The following UBA3 variants were observed in gnomAD, a reference collection of about 807,000 sequenced individuals.
UBA3 encodes the protein ubiquitin like modifier activating enzyme 3.
A neutral mutation model predicts 73.5 loss-of-function variants in UBA3; 26 were observed. The ratio of observed to expected loss-of-function variants is 0.35; its 90% CI spans 0.26 to 0.49. UBA3 has a LOEUF of 0.49. UBA3 is among the 20% of genes least tolerant of loss of function. The pLI is 0.98. For missense variants in UBA3, 495 were observed against 555.6 expected, an observed-to-expected ratio of 0.89 and a Z score of 1.10; for synonymous variants, 217 against 191.2, an observed-to-expected ratio of 1.13 and a Z score of -1.11.
At chr3:69,057,366 T>C (rs1343374000) in intron 11 of UBA3, 57 bp from the exon 12 acceptor site, 2 of 1,475,664 alleles carry the variant, frequency 1.4e-6, no homozygotes, top group Non-Finnish European at 1.9e-6. Flanking sequence ...AGAGTTCTCT[T>C]AAATTAGAAG....
rs2092005361 is a variant in UBA3 at position 69,059,586 on chromosome 3, A to G, written c.910+2228T>C. 2.0e-5 allele frequency among the ~76,000 whole-genome samples: 3 copies of G among 152,210 alleles called. No homozygotes were observed. The South Asian group carries it at 6.2e-4, about 31-fold the overall frequency. The stretch of plus-strand genomic sequence containing the variant: ...ATCCCCGGCGTAGGAACTCGGGAGT[A>G]TTAAAGCTCTAAGGTACAGAAGAAC... On this transcript the variant is annotated intron_variant, in intron 11 of 17. Coordinates refer to ENST00000361055, the MANE Select transcript of UBA3 (RefSeq NM_003968.4).
Position 69,061,925 on chromosome 3 carries a change from C to G in UBA3, c.799G>C (p.Gly267Arg). The G allele has an allele frequency of 1.3e-6, 2 of 1,580,358 alleles. No individual in the cohort carries two copies. The highest frequency in any genetic ancestry group is 1.7e-6 in the Non-Finnish European group (2 of 1,166,144). The change falls in exon 11 of 18, where the codon GGG becomes CGG. Residue 267 changes from glycine (G) to arginine (R), a missense_variant and splice_region_variant. Transcript: ENST00000361055. ...GGATCATCTCCATCTAATGGAACCC[C>G]TTCTGTTTAAAAAAAAAAAGGGAGA... is the stretch of plus-strand genomic sequence containing the variant. ...QWPKEQPFGE[G>R]VPLDGDDPEH... is the part of the protein sequence containing the mutation.
chr3:69,068,125 A>C lies in UBA3; in HGVS notation c.348-117T>G, dbSNP rs367570998. ...GTTTACTTATAGGAAATTTAGAAGGAATATTTTTGCCTAAGTATTTTGATT... is the reference window on the plus strand; with the variant it reads ...GTTTACTTATAGGAAATTTAGAAGGCATATTTTTGCCTAAGTATTTTGATT... On this transcript the variant is annotated intron_variant, in intron 5 of 17. Coordinates refer to ENST00000361055, the MANE Select transcript of UBA3 (RefSeq NM_003968.4). 25 of 676,502 alleles carry C rather than the reference A, an allele frequency of 3.7e-5. No homozygotes were observed. In the African/African-American group the frequency reaches 4.2e-4, roughly 11 times the overall value. The allele number at this position is 676,502 out of a possible 1,614,324, so 41.9% of individuals were successfully genotyped here.
At position 69,063,041 on chromosome 3, in the gene UBA3, C is replaced by T; in HGVS notation, c.634G>A (p.Val212Met). ...CAAGCAGTCATTCCAGGCAGAATCA[C>T]CCGGGCATTTCCTTTAAAACCTTCT... Reference protein sequence around the residue: ...GTEGFKGNARVILPGMTACIE... With the variant: ...GTEGFKGNARMILPGMTACIE... Residue 212 changes from valine (V) to methionine (M), a missense_variant, in exon 9 of 18, where the codon GTG becomes ATG. Transcript: ENST00000361055. 2 of 1,614,066 alleles carry T rather than the reference C, an allele frequency of 1.2e-6. No homozygotes were observed. Among genetic ancestry groups the T allele is most frequent in the South Asian group, 2.2e-5 (2 of 91,078 alleles).
intron 10 of UBA3, 26 bp downstream of exon 10, chr3:69,062,051 C>G (rs1199425148): frequency 2.0e-6 from 3 of 1,504,796 alleles, no homozygotes; most frequent in Non-Finnish European, 2.7e-6. Context: ...TTATGTAATT[C>G]TAGATTATTA....
At chr3:69,074,080 G>A (rs955901252) in intron 4 of UBA3, among the ~76,000 whole-genome samples, 1 of 152,064 alleles carries the variant, frequency 6.6e-6, no homozygotes, top group African/African-American at 2.4e-5. Flanking sequence ...ATAAAGAAGA[G>A]GTCACTCCTT....
intron 8 of UBA3, 87 bp from the exon 9 acceptor site, chr3:69,063,224 G>A: frequency 1.3e-6 from 2 of 1,530,872 alleles, no homozygotes; most frequent in African/African-American, 1.4e-5. Context: ...CTATGAGTCG[G>A]TTGTGCTATT....
chr3:69,057,474 C>G (rs1167959591), intron 11 of UBA3, among the ~76,000 whole-genome samples, 165 bp from the exon 12 acceptor site: 1 of 152,200 alleles, frequency 6.6e-6, no homozygotes. Context: ...ATCCCCATCA[C>G]TTTGTAGTAA....
intron 3 of UBA3, 158 bp downstream of exon 3, chr3:69,077,640 A>C: frequency 1.3e-6 from 1 of 744,106 alleles, no homozygotes; most frequent in Middle Eastern, 4.2e-4. Flanking sequence ...AAACAAAATC[A>C]GTTGTGAATA....
rs763293966 is a variant in UBA3 at position 69,056,592 on chromosome 3, G to A, written c.1083+20C>T. The A allele has an allele frequency of 2.6e-6, 4 of 1,567,114 alleles. No homozygotes were observed. In the South Asian group the frequency reaches 4.6e-5, roughly 18 times the overall value. ...AATCAAAATATGCATGATCAAAAAT[G>A]TGTTCTTAATACTACTAACCTTTCT... On this transcript the variant is annotated intron_variant, in intron 14 of 17. Transcript: ENST00000361055.
chr3:69,068,094 C>A, intron 5 of UBA3, 86 bp from the exon 6 acceptor site: 2 of 909,682 alleles, frequency 2.2e-6, no homozygotes, highest in Non-Finnish European at 3.1e-6. Context: ...AGTAAATTCA[C>A]AGTAAGTTTA....
chr3:69,079,422 A>T (rs1222762320), intron 2 of UBA3, among the ~76,000 whole-genome samples: 1 of 152,212 alleles, frequency 6.6e-6, no homozygotes, highest in Non-Finnish European at 1.5e-5. Context: ...TTACAAACTC[A>T]CCATAACCAA....
At chr3:69,063,944 A>G (rs2092044787) in intron 7 of UBA3, 124 bp downstream of exon 7, 1 of 820,112 alleles carries the variant, frequency 1.2e-6, no homozygotes, top group Non-Finnish European at 2.0e-6. Flanking sequence ...ATTACTGAAA[A>G]GCCAACAGTG....
At chr3:69,080,037 G>C in intron 2 of UBA3, 75 bp downstream of exon 2, 1 of 1,416,120 alleles carries the variant, frequency 7.1e-7, no homozygotes, top group Non-Finnish European at 9.7e-7. Context: ...GGCCCGCTGC[G>C]GCTGGTCCCC....
chr3:69,069,187 T>C (rs1333591124), intron 5 of UBA3, among the ~76,000 whole-genome samples: 2 of 152,232 alleles, frequency 1.3e-5, no homozygotes, highest in African/African-American at 4.8e-5. Flanking sequence ...AAAGTGACCA[T>C]GTTCTTACTC....
At chr3:69,055,604 A>C (rs1232041558) in intron 17 of UBA3, 79 bp from the exon 18 acceptor site, 2 of 1,036,590 alleles carry the variant, frequency 1.9e-6, no homozygotes, top group Non-Finnish European at 2.9e-6. Flanking sequence ...CAAACTACAG[A>C]GTATTACGGT....
chr3:69,079,861 G>A, intron 2 of UBA3: 1 of 491,972 alleles, frequency 2.0e-6, no homozygotes, highest in Non-Finnish European at 3.6e-6. Context: ...TTTACGTCAA[G>A]CACCCCGGAG....
chr3:69,076,024 G>A lies in UBA3; in HGVS notation c.184-514C>T, dbSNP rs568768523. 5.3e-5 allele frequency among the ~76,000 whole-genome samples: 8 copies of A among 152,218 alleles called. No homozygotes were observed. The South Asian group carries it at 1.7e-3, about 32-fold the overall frequency. On this transcript the variant is annotated intron_variant, in intron 3 of 17. Coordinates refer to ENST00000361055, the MANE Select transcript of UBA3 (RefSeq NM_003968.4). ...TTGGATTACAGGCATGAGGTGCCGC[G>A]TCCGGCCATTAATGTTTTTAAATTG...
chr3:69,056,727 A>T (rs1234667927), intron 13 of UBA3, 34 bp from the exon 14 acceptor site: 1 of 1,608,708 alleles, frequency 6.2e-7, no homozygotes, highest in South Asian at 1.1e-5. Flanking sequence ...TTATATAATT[A>T]AACCAAGTCA....
Sources: gnomAD v4.1 joint callset for allele counts (sites outside exome capture counted in the v4.1 genomes callset) on GRCh38, gnomAD v4.1.1 for gene constraint, MANE v1.5 for transcripts, NCBI Gene and HGNC (gene_info 2026-07-23, HGNC 2026-07-21) for gene names.